Variants in PICALM observed in about 807,000 individuals in gnomAD.
PICALM encodes the protein phosphatidylinositol binding clathrin assembly protein.
PICALM carries 40 observed loss-of-function variants against 80.5 expected under a neutral mutation model. The observed-to-expected ratio is 0.50, with a 90% CI of 0.39 to 0.65. PICALM has a LOEUF of 0.65. Among genes scored for constraint, PICALM ranks in the 30% least tolerant of loss-of-function variants. PICALM has a pLI of 0.00. For synonymous variants in PICALM, 288 were observed against 260.3 expected (o/e 1.11, Z -1.02); for missense variants, 676 against 778.9 (o/e 0.87, Z 1.57).
At chr11:85,984,043 T>A (rs1307473801) in intron 13 of PICALM, 70 bp from the exon 14 acceptor site, 1 of 703,224 alleles carries the variant, frequency 1.4e-6, no homozygotes, top group Non-Finnish European at 2.5e-6. Context: ...TTAATAATGA[T>A]GACAATAGAA....
intron 11 of PICALM, among the ~76,000 whole-genome samples, chr11:86,000,371 T>C (rs1025165440): frequency 3.9e-5 from 6 of 152,246 alleles, no homozygotes; most frequent in Non-Finnish European, 8.8e-5. Context: ...TAATCATAAT[T>C]TTTACACAAT....
chr11:86,048,281 T>C (rs1248911452), intron 1 of PICALM, among the ~76,000 whole-genome samples: 1 of 152,238 alleles, frequency 6.6e-6, no homozygotes, highest in Non-Finnish European at 1.5e-5. Context: ...TGTTTTTCAT[T>C]GCCACTCAGC....
At chr11:86,009,335 C>T (rs2095347755) in intron 7 of PICALM, among the ~76,000 whole-genome samples, 1 of 133,622 alleles carries the variant, frequency 7.5e-6, no homozygotes, top group East Asian at 2.3e-4. Flanking sequence ...TCATATATAG[C>T]AGACAGTCTA....
At chr11:86,006,484 T>C (rs1565381001) in intron 8 of PICALM, among the ~76,000 whole-genome samples, 1 of 152,046 alleles carries the variant, frequency 6.6e-6, no homozygotes, top group Non-Finnish European at 1.5e-5. Flanking sequence ...CCGTCTCTAC[T>C]AAAAATACGA....
chr11:86,007,284 T>C (rs901530819), intron 8 of PICALM: 3 of 229,960 alleles, frequency 1.3e-5, no homozygotes, highest in African/African-American at 6.9e-5. Context: ...TTTTAAACAA[T>C]GATGATGGGA....
intron 5 of PICALM, among the ~76,000 whole-genome samples, chr11:86,012,615 T>C (rs2095417552): frequency 6.6e-6 from 1 of 152,228 alleles, no homozygotes; most frequent in Non-Finnish European, 1.5e-5. Flanking sequence ...GATAATTGTA[T>C]TTATTTGACT....
At chr11:86,021,050 T>C (rs1348772633) in intron 4 of PICALM, among the ~76,000 whole-genome samples, 1 of 152,098 alleles carries the variant, frequency 6.6e-6, no homozygotes, top group Non-Finnish European at 1.5e-5. Context: ...AGTAACCCAA[T>C]TTAAAAATGA....
At chr11:86,068,627 G>T in intron 1 of PICALM, 24 bp downstream of exon 1, 2 of 1,596,792 alleles carry the variant, frequency 1.3e-6, no homozygotes, top group Non-Finnish European at 1.7e-6. Context: ...CCGGGGAGCG[G>T]GGGCCGCGGT....
intron 6 of PICALM, among the ~76,000 whole-genome samples, chr11:86,011,548 A>G (rs932452479): frequency 2.0e-5 from 3 of 152,204 alleles, no homozygotes; most frequent in Non-Finnish European, 2.9e-5. Context: ...TAATGTATAC[A>G]TAGAAAAGGT....
intron 17 of PICALM, among the ~76,000 whole-genome samples, chr11:85,979,746 G>C (rs17148643): frequency 0.051 from 7,737 of 152,232 alleles, 328 homozygotes; most frequent in African/African-American, 0.12. Flanking sequence ...GTGGCTATAA[G>C]GACAACCGCA....
intron 14 of PICALM, 132 bp downstream of exon 14, chr11:85,983,733 TG>T: frequency 2.1e-6 from 1 of 487,504 alleles, no homozygotes; most frequent in Non-Finnish European, 3.7e-6. Flanking sequence ...ATCTAGTGCT[TG>T]GGGGGATGGG....
chr11:86,030,508 T>G (rs1011250330), intron 2 of PICALM, among the ~76,000 whole-genome samples: 3 of 152,216 alleles, frequency 2.0e-5, no homozygotes, highest in Admixed American at 1.3e-4. Flanking sequence ...AGAAGATTTA[T>G]CTAGTTCTAC....
chr11:85,991,977 T>G (rs1370910539), intron 12 of PICALM, among the ~76,000 whole-genome samples: 1 of 152,090 alleles, frequency 6.6e-6, no homozygotes, highest in Non-Finnish European at 1.5e-5. Flanking sequence ...CACCTCAGCC[T>G]TCCGAGTAGC....
chr11:85,981,603 T>C lies in PICALM; in HGVS notation c.1679+142A>G, dbSNP rs956689907. 132 of 649,722 alleles carry C rather than the reference T, an allele frequency of 2.0e-4. No individual in the cohort carries two copies. In the African/African-American group the frequency reaches 2.1e-3, roughly 10 times the overall value. 40.2% of individuals were successfully genotyped at this position (649,722 alleles called of 1,614,324 possible). A position where few individuals can be genotyped will look rare whatever the true frequency, so the allele number is the denominator to read the frequency against. Reference sequence around the variant, plus strand: ...GCCTGAGCAACAGAGCGAGACTCCGTGTCAAAAAAAAAAAAAAAAGATGCA... The same window carrying C: ...GCCTGAGCAACAGAGCGAGACTCCGCGTCAAAAAAAAAAAAAAAAGATGCA... On this transcript the variant is annotated intron_variant, in intron 16 of 19. Transcript: ENST00000393346.
chr11:85,993,259 G>C (rs112984201), intron 12 of PICALM, among the ~76,000 whole-genome samples: 2 of 151,842 alleles, frequency 1.3e-5, no homozygotes, highest in Non-Finnish European at 2.9e-5. Context: ...GCTATTTTCC[G>C]ATTTTTTTGT....
chr11:86,037,849 T>C (rs2095870451), intron 1 of PICALM, among the ~76,000 whole-genome samples: 2 of 152,230 alleles, frequency 1.3e-5, no homozygotes, highest in Non-Finnish European at 2.9e-5. Context: ...AAAGGAACTA[T>C]AACACTGTTA....
At chr11:86,005,369 A>G (rs1185591052) in intron 8 of PICALM, among the ~76,000 whole-genome samples, 13 of 152,160 alleles carry the variant, frequency 8.5e-5, no homozygotes, top group Admixed American at 5.9e-4. Flanking sequence ...CCTTCTAAAT[A>G]TATCTGGCTA....
chr11:86,025,749 G>T (rs929723199), intron 3 of PICALM, among the ~76,000 whole-genome samples: 1 of 151,888 alleles, frequency 6.6e-6, no homozygotes, highest in African/African-American at 2.4e-5. Flanking sequence ...AGTAGAGACG[G>T]GGTTTCACCA....
chr11:86,008,142 C>G (rs527401419), intron 7 of PICALM, among the ~76,000 whole-genome samples: 1 of 152,206 alleles, frequency 6.6e-6, no homozygotes, highest in South Asian at 2.1e-4. Flanking sequence ...AAACCAATTC[C>G]AATATACCTT....
Sources: allele counts gnomAD v4.1 joint callset (sites outside exome capture counted in the v4.1 genomes callset), GRCh38; gene constraint gnomAD v4.1.1; transcripts MANE v1.5; gene names NCBI Gene and HGNC (gene_info 2026-07-23, HGNC 2026-07-21).